Variants in CNTLN observed in about 807,000 individuals in gnomAD.
The protein encoded by CNTLN is centlein, also known as centlein, centrosomal protein.
CNTLN carries 212 observed loss-of-function variants against 180.0 expected under a neutral mutation model. The observed-to-expected ratio is 1.18, with a 90% CI of 1.05 to 1.32. CNTLN has a LOEUF of 1.32. CNTLN is among the 40% of genes most tolerant of loss of function. The pLI is 0.00. For synonymous variants in CNTLN, 722 were observed against 563.1 expected (o/e 1.28, Z -3.99); for missense variants, 2,095 against 1,610.9 (o/e 1.30, Z -5.14).
chr9:17,201,632 T>C (rs1822536118), intron 2 of CNTLN, among the ~76,000 whole-genome samples: 1 of 152,196 alleles, frequency 6.6e-6, no homozygotes, highest in Non-Finnish European at 1.5e-5. Flanking sequence ...TAGAGGTGTT[T>C]ATGGTATTCT....
intron 12 of CNTLN, among the ~76,000 whole-genome samples, chr9:17,354,019 C>G (rs1177391450): frequency 6.6e-6 from 1 of 152,198 alleles, no homozygotes. Context: ...TTGGCGGCCC[C>G]GCACTCGGAG....
rs1446169786 is a variant in CNTLN at position 17,137,113 on chromosome 9, T to C, written c.360+1688T>C. On this transcript the variant is annotated intron_variant, in intron 1 of 25. Coordinates refer to ENST00000380647, the MANE Select transcript of CNTLN (RefSeq NM_017738.4). ...TTCTTTAAAAATGTGGCTCCAAACATGGTGTTGGCTTTTGTGACCTCGGAC... is the reference window on the plus strand; with the variant it reads ...TTCTTTAAAAATGTGGCTCCAAACACGGTGTTGGCTTTTGTGACCTCGGAC... Among the ~76,000 whole-genome samples, 4 of 152,210 alleles carry C rather than the reference T, an allele frequency of 2.6e-5. 1 individual carries two copies. Among genetic ancestry groups the C allele is most frequent in the Non-Finnish European group, 4.4e-5 (3 of 68,028 alleles).
In CNTLN at chr9:17,342,397, T is replaced by A. The variant is rs1396603325; in HGVS notation, c.1839T>A (p.Asn613Lys). The change falls in exon 12 of 26, where the codon AAT becomes AAA. Residue 613 changes from asparagine to lysine, a missense_variant. Transcript: ENST00000380647. ...AAGAAGATTCTGACGCTGTGTGGAATGAACTGGCATATTTCAAAAGGGAAA... is the reference window on the plus strand; with the variant it reads ...AAGAAGATTCTGACGCTGTGTGGAAAGAACTGGCATATTTCAAAAGGGAAA... The part of the protein sequence containing the change: ...LRQEDSDAVW[N>K]ELAYFKRENQ... The A allele has an allele frequency of 2.5e-6, 4 of 1,611,314 alleles. No individual in the cohort carries two copies. The highest frequency in any genetic ancestry group is 2.5e-6 in the Non-Finnish European group (3 of 1,178,984).
chr9:17,194,094 C>G (rs1373019880), intron 2 of CNTLN, among the ~76,000 whole-genome samples: 1 of 152,178 alleles, frequency 6.6e-6, no homozygotes, highest in East Asian at 1.9e-4. Context: ...GGACCCTGGG[C>G]CCGGCCCACA....
chr9:17,252,598 T>A (rs931336425), intron 5 of CNTLN, among the ~76,000 whole-genome samples: 1 of 151,716 alleles, frequency 6.6e-6, no homozygotes, highest in Non-Finnish European at 1.5e-5. Flanking sequence ...TAAAAACTGT[T>A]GAGTTCTTTG....
intron 5 of CNTLN, among the ~76,000 whole-genome samples, chr9:17,263,895 T>C (rs1827201403): frequency 7.1e-6 from 1 of 140,192 alleles, no homozygotes; most frequent in African/African-American, 2.8e-5. Context: ...GGGTTGTTTG[T>C]TTTTTTCTTG....
At chr9:17,226,125 T>C in intron 2 of CNTLN, 78 bp from the exon 3 acceptor site, 1 of 671,130 alleles carries the variant, frequency 1.5e-6, no homozygotes, top group Non-Finnish European at 2.4e-6. Flanking sequence ...TTTAAAGTGA[T>C]ATTAATATTT....
intron 12 of CNTLN, among the ~76,000 whole-genome samples, chr9:17,344,779 T>C (rs1421260367): frequency 6.6e-6 from 1 of 152,216 alleles, no homozygotes; most frequent in Non-Finnish European, 1.5e-5. Flanking sequence ...GAATGTTTAA[T>C]GTGCAATTTT....
chr9:17,208,758 C>T (rs1243838505), intron 2 of CNTLN, among the ~76,000 whole-genome samples: 1 of 152,066 alleles, frequency 6.6e-6, no homozygotes, highest in Admixed American at 6.6e-5. Flanking sequence ...TATAGTTGCT[C>T]ATAGTAGCTG....
rs768064184 is a variant in CNTLN, at chr9:17,484,440, G to A, written c.4001G>A (p.Arg1334Gln). 1.8e-5 allele frequency: 29 copies of A among 1,605,228 alleles called. No homozygotes were observed. In the East Asian group the frequency reaches 3.8e-4, roughly 21 times the overall value. Reference protein sequence around the residue: ...TLAASILNISRSDLEEILDTE... With the variant: ...TLAASILNISQSDLEEILDTE... ...GCAGCTTCTATCCTGAACATTTCAC[G>A]GTCAGATTTAGAGGAAATATTAGAC... Residue 1334 changes from arginine (R) to glutamine (Q), a missense_variant, in exon 24 of 26, where the codon CGG becomes CAG. Arg to Gln is a conservative substitution (Grantham distance 43). Transcript: ENST00000380647.
intron 5 of CNTLN, among the ~76,000 whole-genome samples, chr9:17,247,996 A>G (rs1825906639): frequency 6.6e-6 from 1 of 151,870 alleles, no homozygotes; most frequent in Admixed American, 6.6e-5. Flanking sequence ...AAGCCTTGCT[A>G]ATTATTTGTA....
chr9:17,141,166 G>A (rs1005461154), intron 1 of CNTLN, among the ~76,000 whole-genome samples: 27 of 152,094 alleles, frequency 1.8e-4, no homozygotes, highest in Admixed American at 1.2e-3. Context: ...CTGTTACTTG[G>A]GCAGAATTGT....
At chr9:17,298,748 A>C (rs1272025372) in intron 7 of CNTLN, 2 of 988,332 alleles carry the variant, frequency 2.0e-6, no homozygotes, top group Non-Finnish European at 2.4e-6. Flanking sequence ...TTTTTCGGCA[A>C]ATCTTCACAA....
At chr9:17,466,938 A>T in intron 23 of CNTLN, 47 bp downstream of exon 23, 1 of 1,377,326 alleles carries the variant, frequency 7.3e-7, no homozygotes, top group Non-Finnish European at 1.0e-6. Flanking sequence ...CTTTAGGCAG[A>T]TAGGCAGTAG....
At chr9:17,493,897 T>A (rs1264004141) in intron 25 of CNTLN, among the ~76,000 whole-genome samples, 1 of 152,190 alleles carries the variant, frequency 6.6e-6, no homozygotes, top group Non-Finnish European at 1.5e-5. Context: ...AAACTTACAA[T>A]GGCTTATAGT....
At chr9:17,484,577 T>C (rs537933978) in intron 24 of CNTLN, 97 bp downstream of exon 24, 1 of 985,194 alleles carries the variant, frequency 1.0e-6, no homozygotes, top group East Asian at 2.9e-5. Flanking sequence ...ATTTCATCTT[T>C]AAGAGAGTGT....
chr9:17,364,410 T>G (rs1823639637), intron 12 of CNTLN, among the ~76,000 whole-genome samples: 1 of 152,126 alleles, frequency 6.6e-6, no homozygotes, highest in Non-Finnish European at 1.5e-5. Flanking sequence ...TCTGGTATTA[T>G]GTTATTATTA....
At chr9:17,334,471 A>G (rs915034856) in intron 10 of CNTLN, among the ~76,000 whole-genome samples, 3 of 152,104 alleles carry the variant, frequency 2.0e-5, no homozygotes, top group East Asian at 1.9e-4. Context: ...CTATATTTAT[A>G]TAATTCCTTA....
chr9:17,451,081 G>GAC, intron 18 of CNTLN, among the ~76,000 whole-genome samples: 1 of 152,068 alleles, frequency 6.6e-6, no homozygotes, highest in Non-Finnish European at 1.5e-5. Flanking sequence ...TACCTGGACA[G>GAC]CATGCAGAAT....
Sources: gnomAD v4.1 joint callset for allele counts (sites outside exome capture counted in the v4.1 genomes callset) on GRCh38, gnomAD v4.1.1 for gene constraint, MANE v1.5 for transcripts, NCBI Gene and HGNC (gene_info 2026-07-23, HGNC 2026-07-21) for gene names.